Variants in EVI5 observed in about 807,000 individuals in gnomAD.
EVI5 encodes the protein ecotropic viral integration site 5 protein homolog.
Under a neutral mutation model 112.0 loss-of-function variants are expected in EVI5, and 73 were observed. The ratio of observed to expected loss-of-function variants is 0.65; its 90% CI spans 0.54 to 0.79. The LOEUF (loss-of-function observed/expected upper bound fraction) is 0.79. Ranked by LOEUF, EVI5 falls within the 30% of genes least tolerant of loss-of-function variation. The probability of loss-of-function intolerance (pLI) is 0.00; values close to 1 mark genes in which losing one functional copy is unlikely to be tolerated. For synonymous variants in EVI5, 305 were observed against 319.9 expected, an observed-to-expected ratio of 0.95 and a Z score of 0.50; for missense variants, 900 against 968.8, an observed-to-expected ratio of 0.93 and a Z score of 0.94.
At chr1:92,584,898 T>C (rs1223452533) in intron 18 of EVI5, among the ~76,000 whole-genome samples, 1 of 152,116 alleles carries the variant, frequency 6.6e-6, no homozygotes, top group Admixed American at 6.6e-5. Context: ...AATATACATA[T>C]ACACAGGACT....
At chr1:92,772,287 C>T (rs1382889839) in intron 1 of EVI5, among the ~76,000 whole-genome samples, 1 of 151,878 alleles carries the variant, frequency 6.6e-6, no homozygotes, top group African/African-American at 2.4e-5. Context: ...AATAATACTA[C>T]AAGTTTTAAC....
intron 15 of EVI5, among the ~76,000 whole-genome samples, chr1:92,624,718 A>G (rs1023840846): frequency 2.6e-4 from 38 of 146,304 alleles, no homozygotes; most frequent in Non-Finnish European, 5.1e-4. Context: ...AAAAAAAAAA[A>G]AAGAATTTAT....
At chr1:92,785,814 T>G (rs1488522095), upstream of EVI5, among the ~76,000 whole-genome samples, 1 of 152,088 alleles carries the variant, frequency 6.6e-6, no homozygotes, top group African/African-American at 2.4e-5. Flanking sequence ...GCGCGGTGGC[T>G]CACACCTGTA....
At chr1:92,624,431 CA>C in intron 15 of EVI5, 97 bp from the exon 16 acceptor site, 1 of 866,868 alleles carries the variant, frequency 1.2e-6, no homozygotes, top group Non-Finnish European at 1.8e-6. Flanking sequence ...ATATATAAAA[CA>C]CTTTCCACAC....
chr1:92,516,052 C>T (rs1659814971), intron 19 of EVI5, among the ~76,000 whole-genome samples: 1 of 152,180 alleles, frequency 6.6e-6, no homozygotes, highest in South Asian at 2.1e-4. Context: ...ACCACAAAGG[C>T]CTCCTCAAGG....
At chr1:92,652,196 A>G (rs1228929617) in intron 13 of EVI5, among the ~76,000 whole-genome samples, 1 of 152,220 alleles carries the variant, frequency 6.6e-6, no homozygotes, top group Non-Finnish European at 1.5e-5. Flanking sequence ...TACCTGTTAT[A>G]ACAATGATGG....
chr1:92,510,208 A>G lies in EVI5; in HGVS notation c.*3448T>C, dbSNP rs1659106964. 1 of 152,250 alleles carries G rather than the reference A, an allele frequency of 6.6e-6. No homozygotes were observed. Among genetic ancestry groups the G allele is most frequent in the Non-Finnish European group, 1.5e-5 (1 of 68,046 alleles). 9.4% of individuals were successfully genotyped at this position (152,250 alleles called of 1,614,324 possible). On this transcript the variant is annotated 3_prime_UTR_variant, in exon 20 of 20. Coordinates refer to ENST00000684568, the MANE Select transcript of EVI5 (RefSeq NM_001350197.2). ...TCCTAATCAGAAATGGTACTTAAGAATATCAACGTTTAGAATTCAAACATG... is the reference window on the plus strand; with the variant it reads ...TCCTAATCAGAAATGGTACTTAAGAGTATCAACGTTTAGAATTCAAACATG...
Position 92,736,470 on chromosome 1 carries a change from A to G in EVI5, c.77T>C (p.Leu26Pro). Residue 26 changes from leucine to proline, a missense_variant, in exon 2 of 20, where the codon CTT becomes CCT. Physicochemically the swap from Leu to Pro is moderately conservative, Grantham distance 98. Transcript: ENST00000684568. ...CAACTGTGATGGGGAAGATGGTGAA[A>G]GGGCTGGTGTTGATAGTGTGGTAGA... ...SSSTTLSTPA[L>P]SPSSPSQLSP... 2 of 1,613,928 alleles carry G rather than the reference A, an allele frequency of 1.2e-6. No individual in the cohort carries two copies. The highest frequency in any genetic ancestry group is 2.2e-5 in the South Asian group (2 of 91,078).
At chr1:92,679,833 G>C (rs1667320362) in intron 9 of EVI5, among the ~76,000 whole-genome samples, 1 of 152,076 alleles carries the variant, frequency 6.6e-6, no homozygotes, top group African/African-American at 2.4e-5. Context: ...ATTATACTGG[G>C]GTTATTGGGT....
At position 92,516,260 on chromosome 1, in the gene EVI5, T is replaced by C. The variant is rs144409720; in HGVS notation, c.2167-2290A>G. On this transcript the variant is annotated intron_variant, in intron 19 of 19. Coordinates refer to ENST00000684568, the MANE Select transcript of EVI5 (RefSeq NM_001350197.2). ...CTTCCTGGCTGTTATAAAGGAGGAG[T>C]ATGGCAGAAGAACCACAACTTCCCA... 4.3e-3 allele frequency among the ~76,000 whole-genome samples: 648 copies of C among 152,054 alleles called. 3 individuals are homozygous for C. The highest frequency in any genetic ancestry group is 0.014 in the Middle Eastern group (4 of 294).
At chr1:92,530,743 C>A (rs1421491211) in intron 19 of EVI5, among the ~76,000 whole-genome samples, 2 of 151,790 alleles carry the variant, frequency 1.3e-5, no homozygotes, top group Non-Finnish European at 2.9e-5. Flanking sequence ...GTATCAACAT[C>A]AACAAAAAGG....
At chr1:92,678,369 A>G (rs573475235) in intron 9 of EVI5, among the ~76,000 whole-genome samples, 258 of 152,214 alleles carry the variant, frequency 1.7e-3, no homozygotes, top group South Asian at 4.8e-3. Flanking sequence ...AGTCTCTACA[A>G]AAAATACAAA....
At chr1:92,732,575 C>T (rs1676650381) in intron 2 of EVI5, 1 of 186,768 alleles carries the variant, frequency 5.4e-6, no homozygotes. Context: ...AGAAAGGTCA[C>T]AAACTTTGCC....
chr1:92,664,334 C>T (rs1664511900), intron 11 of EVI5, among the ~76,000 whole-genome samples: 1 of 152,100 alleles, frequency 6.6e-6, no homozygotes, highest in Admixed American at 6.5e-5. Context: ...CTAAGTGACA[C>T]ATCTGGGCCA....
chr1:92,520,964 CTTTT>C (rs375289358), intron 19 of EVI5, among the ~76,000 whole-genome samples: 4 of 142,292 alleles, frequency 2.8e-5, no homozygotes, highest in East Asian at 2.1e-4. Context: ...GCTGCTTCTT[CTTTT>C]TTTTTTTTTT....
At chr1:92,729,671 C>A (rs1445897807) in intron 2 of EVI5, among the ~76,000 whole-genome samples, 1 of 152,140 alleles carries the variant, frequency 6.6e-6, no homozygotes, top group Non-Finnish European at 1.5e-5. Context: ...TATTTTAAAT[C>A]AGCTCTGGAT....
intron 19 of EVI5, among the ~76,000 whole-genome samples, chr1:92,535,102 A>G (rs1349304445): frequency 3.9e-5 from 6 of 152,338 alleles, no homozygotes; most frequent in African/African-American, 1.4e-4. Context: ...CCCATCAAAA[A>G]GTGGACGAAG....
At chr1:92,546,190 G>A (rs1015762916) in intron 19 of EVI5, among the ~76,000 whole-genome samples, 1 of 152,078 alleles carries the variant, frequency 6.6e-6, no homozygotes, top group Admixed American at 6.5e-5. Flanking sequence ...GCATGCGTGT[G>A]AACTAAAAGA....
Position 92,627,511 on chromosome 1 carries a change from C to T in EVI5, c.1528-1577G>A, listed in dbSNP as rs536289561. Among the ~76,000 whole-genome samples the T allele has an allele frequency of 2.6e-5, 4 of 152,236 alleles. No homozygotes were observed. In the South Asian group the frequency reaches 8.3e-4, roughly 32 times the overall value. The stretch of plus-strand genomic sequence containing the variant: ...TGCAAGTATCTTTTTCAAATAATGA[C>T]CTTTTCTTCCCTCTGGGTAGACAGA... On this transcript the variant is annotated intron_variant, in intron 14 of 19. Transcript: ENST00000684568.
Sources: allele counts gnomAD v4.1 joint callset (sites outside exome capture counted in the v4.1 genomes callset), GRCh38; gene constraint gnomAD v4.1.1; transcripts MANE v1.5; gene names NCBI Gene and HGNC (gene_info 2026-07-23, HGNC 2026-07-21).